DDX10: variants seen among roughly 807,000 people sequenced by gnomAD.
DDX10 encodes the protein DEAD-box helicase 10.
A neutral mutation model predicts 104.3 loss-of-function variants in DDX10; 74 were observed. The ratio of observed to expected loss-of-function variants is 0.71; its 90% CI spans 0.59 to 0.86. The LOEUF (loss-of-function observed/expected upper bound fraction) is 0.86, where lower values mean the gene tolerates loss of function less well. Ranked by LOEUF, DDX10 falls within the 40% of genes least tolerant of loss-of-function variation. The pLI is 0.00. For missense variants in DDX10, 952 were observed against 1,040.0 expected (o/e 0.92, Z 1.16); for synonymous variants, 351 against 353.4 (o/e 0.99, Z 0.08).
intron 13 of DDX10, among the ~76,000 whole-genome samples, chr11:108,741,151 C>G (rs926501560): frequency 3.3e-5 from 5 of 152,082 alleles, no homozygotes; most frequent in African/African-American, 9.7e-5. Flanking sequence ...CTATTCTGTT[C>G]CATGAGCCTA....
At chr11:108,802,675 G>GT (rs1293462965) in intron 13 of DDX10, among the ~76,000 whole-genome samples, 1 of 152,128 alleles carries the variant, frequency 6.6e-6, no homozygotes, top group Non-Finnish European at 1.5e-5. Flanking sequence ...GTTTCCCAGA[G>GT]TGAGTTGTTT....
At chr11:108,856,501 T>C (rs1862872559) in intron 16 of DDX10, among the ~76,000 whole-genome samples, 1 of 151,392 alleles carries the variant, frequency 6.6e-6, no homozygotes, top group African/African-American at 2.4e-5. Flanking sequence ...AAAAAAAACC[T>C]TAAAAAACTA....
chr11:108,884,664 C>T (rs755070253), intron 16 of DDX10, among the ~76,000 whole-genome samples: 7 of 152,176 alleles, frequency 4.6e-5, no homozygotes, highest in Non-Finnish European at 8.8e-5. Flanking sequence ...AACTCTCTAT[C>T]CCCACCCATT....
intron 16 of DDX10, among the ~76,000 whole-genome samples, chr11:108,896,118 A>G (rs1401035870): frequency 2.0e-5 from 3 of 152,160 alleles, no homozygotes; most frequent in Non-Finnish European, 4.4e-5. Context: ...TGACTGTATT[A>G]TCCATCTTAG....
At chr11:108,886,544 G>C (rs924724264) in intron 16 of DDX10, among the ~76,000 whole-genome samples, 1 of 152,094 alleles carries the variant, frequency 6.6e-6, no homozygotes, top group South Asian at 2.1e-4. Flanking sequence ...CTTCTAAAAG[G>C]CCTTTTGAAT....
At chr11:108,735,665 G>GGCTA (rs1398327882) in intron 13 of DDX10, among the ~76,000 whole-genome samples, 1 of 151,590 alleles carries the variant, frequency 6.6e-6, no homozygotes, top group African/African-American at 2.4e-5. Context: ...TCTCCATGAT[G>GGCTA]GCTACTTCAC....
intron 15 of DDX10, among the ~76,000 whole-genome samples, chr11:108,843,039 A>G (rs935860180): frequency 6.6e-6 from 1 of 152,222 alleles, no homozygotes; most frequent in East Asian, 1.9e-4. Context: ...TACTTGTTTT[A>G]TACAGTGTTA....
chr11:108,722,911 C>T, intron 12 of DDX10, 86 bp from the exon 13 acceptor site: 1 of 1,465,088 alleles, frequency 6.8e-7, no homozygotes. Context: ...CTCTAGGAAT[C>T]TCTGCTCTTG....
At chr11:108,917,740 A>T in intron 16 of DDX10, 133 bp from the exon 17 acceptor site, 1 of 783,034 alleles carries the variant, frequency 1.3e-6, no homozygotes, top group Non-Finnish European at 2.0e-6. Context: ...AAGTCACATA[A>T]GGGCCTACAC....
intron 13 of DDX10, among the ~76,000 whole-genome samples, chr11:108,762,109 C>A (rs1334602592): frequency 6.6e-6 from 1 of 152,130 alleles, no homozygotes; most frequent in Admixed American, 6.6e-5. Flanking sequence ...GATCTCTTAA[C>A]TCCCTTCCTT....
chr11:108,926,324 G>A (rs546389308), intron 17 of DDX10, among the ~76,000 whole-genome samples: 33 of 151,962 alleles, frequency 2.2e-4, no homozygotes, highest in Non-Finnish European at 2.1e-4. Flanking sequence ...GATTTATGAC[G>A]AGAAAAATAG....
chr11:108,713,907 G>C (rs11212762), intron 10 of DDX10, among the ~76,000 whole-genome samples: 2 of 152,088 alleles, frequency 1.3e-5, no homozygotes, highest in Non-Finnish European at 2.9e-5. Flanking sequence ...ATTCTTTTCA[G>C]TCTCTGCCTT....
intron 17 of DDX10, among the ~76,000 whole-genome samples, chr11:108,937,088 G>A (rs1465558483): frequency 1.3e-5 from 2 of 152,160 alleles, no homozygotes. Flanking sequence ...GGGAGATAAG[G>A]AATTGGAGAT....
At chr11:108,881,074 C>G (rs192338699) in intron 16 of DDX10, among the ~76,000 whole-genome samples, 2 of 152,262 alleles carry the variant, frequency 1.3e-5, no homozygotes, top group East Asian at 1.9e-4. Flanking sequence ...TTTTAAAATA[C>G]TCTTTAAACC....
chr11:108,789,591 C>T (rs148504729), intron 13 of DDX10, among the ~76,000 whole-genome samples: 31 of 152,288 alleles, frequency 2.0e-4, no homozygotes, highest in Middle Eastern at 6.8e-3. Context: ...TCTTGTCTGG[C>T]TCATGTAAAA....
chr11:108,772,860 T>G lies in DDX10; in HGVS notation c.1965+49398T>G, dbSNP rs2094365049. ...TCCCCTGTCAGTGGAAAAATTGTCT[T>G]CCACAAGAATAGTCCCTCGTGCCAA... On this transcript the variant is annotated intron_variant, in intron 13 of 17. Transcript: ENST00000322536. Among the ~76,000 whole-genome samples the G allele has an allele frequency of 1.3e-5, 2 of 152,184 alleles. 1 individual carries two copies. Among genetic ancestry groups the G allele is most frequent in the South Asian group, 4.1e-4 (2 of 4,824 alleles).
chr11:108,686,360 A>G (rs1410853887), intron 6 of DDX10, among the ~76,000 whole-genome samples: 1 of 152,210 alleles, frequency 6.6e-6, no homozygotes, highest in Non-Finnish European at 1.5e-5. Flanking sequence ...TTCACAGTAT[A>G]TTCACTGCCC....
At chr11:108,698,978 C>T (rs1028183394) in intron 9 of DDX10, among the ~76,000 whole-genome samples, 1 of 152,194 alleles carries the variant, frequency 6.6e-6, no homozygotes, top group African/African-American at 2.4e-5. Context: ...CTCACCCTCC[C>T]CAACCACTCC....
rs7944368 is a variant in DDX10 at position 108,770,757 on chromosome 11, T to A, written c.1965+47295T>A. 8.9e-3 allele frequency among the ~76,000 whole-genome samples: 1,357 copies of A among 152,094 alleles called. 22 individuals are homozygous for A. The highest frequency in any genetic ancestry group is 0.03 in the African/African-American group (1,249 of 41,482). ...TGCATATGTACCTCATTTTTTTTTT[T>A]AATCCATTCATCTGTTGATGGACAC... On this transcript the variant is annotated intron_variant, in intron 13 of 17. Coordinates refer to ENST00000322536, the MANE Select transcript of DDX10 (RefSeq NM_004398.4).
Sources: gnomAD v4.1 joint callset for allele counts (sites outside exome capture counted in the v4.1 genomes callset) on GRCh38, gnomAD v4.1.1 for gene constraint, MANE v1.5 for transcripts, NCBI Gene and HGNC (gene_info 2026-07-23, HGNC 2026-07-21) for gene names.